Variants in SEMA4B observed in about 807,000 individuals in gnomAD.
SEMA4B encodes the protein semaphorin 4B, also known as semaphorin-4B.
Under a neutral mutation model 88.1 loss-of-function variants are expected in SEMA4B, and 55 were observed. The ratio of observed to expected loss-of-function variants is 0.62; its 90% CI spans 0.50 to 0.78. SEMA4B has a LOEUF of 0.78. Among genes scored for constraint, SEMA4B ranks in the 30% least tolerant of loss-of-function variants. SEMA4B has a pLI of 0.00. For missense variants in SEMA4B, 1,062 were observed against 1,111.9 expected (o/e 0.96, Z 0.64); for synonymous variants, 525 against 473.6 (o/e 1.11, Z -1.41).
upstream of SEMA4B, among the ~76,000 whole-genome samples, chr15:90,196,688 C>T (rs554302671): frequency 1.3e-5 from 2 of 152,124 alleles, no homozygotes; most frequent in South Asian, 2.1e-4. Context: ...GGGGTTTCAC[C>T]ATGTTAGCCA....
In SEMA4B at chr15:90,201,385, A is replaced by C; in HGVS notation, c.-194A>C. ...CTGCGGGGCCGGCGCCGGCGGGAGGACTGCGGTGCCCCGCGGAGGGGCTGA... is the reference window on the plus strand; with the variant it reads ...CTGCGGGGCCGGCGCCGGCGGGAGGCCTGCGGTGCCCCGCGGAGGGGCTGA... On this transcript the variant is annotated 5_prime_UTR_variant, in exon 1 of 14. Transcript: ENST00000411539. The C allele has an allele frequency of 8.0e-7, 1 of 1,255,622 alleles. No homozygotes were observed. The highest frequency in any genetic ancestry group is 1.0e-6 in the Non-Finnish European group (1 of 1,000,894). The allele number at this position is 1,255,622 out of a possible 1,614,324, so 77.8% of individuals were successfully genotyped here.
chr15:90,205,359 T>A (rs1960940237), intron 1 of SEMA4B, among the ~76,000 whole-genome samples: 1 of 152,234 alleles, frequency 6.6e-6, no homozygotes, highest in African/African-American at 2.4e-5. Context: ...TGGTCTCAAC[T>A]GGACATGAGC....
At chr15:90,185,206 C>T (rs551878625) in intron 1 of SEMA4B, 15 of 446,756 alleles carry the variant, frequency 3.4e-5, no homozygotes, top group Admixed American at 6.4e-5. Flanking sequence ...CCCCTCTCCC[C>T]AGAAGGCGCC....
Position 90,222,621 on chromosome 15 carries a change from T to TA in SEMA4B, c.861+859dup, listed in dbSNP as rs760952195. ...GTACACACAAAAATCACTTACAAGT[T>TA]AAAGAGGCACTGTAGCATCAGCTGG... On this transcript the variant is annotated intron_variant, in intron 7 of 13. Coordinates refer to ENST00000411539, the MANE Select transcript of SEMA4B (RefSeq NM_198925.4). 2.0e-5 allele frequency among the ~76,000 whole-genome samples: 3 copies of TA among 152,022 alleles called. No homozygotes were observed. The South Asian group carries it at 6.2e-4, about 32-fold the overall frequency.
intron 1 of SEMA4B, among the ~76,000 whole-genome samples, chr15:90,189,373 TC>T (rs1960279289): frequency 6.6e-6 from 1 of 152,220 alleles, no homozygotes; most frequent in Admixed American, 6.5e-5. Flanking sequence ...GTGGTCCTAG[TC>T]CTGACTTGTC....
At chr15:90,185,184 C>T (rs1045979266) in intron 1 of SEMA4B, 6 of 613,018 alleles carry the variant, frequency 9.8e-6, no homozygotes, top group South Asian at 1.4e-4. Context: ...TGCACCCGCA[C>T]CTCCCGCCCG....
Position 90,225,354 on chromosome 15 carries a change from C to T in SEMA4B, c.1478C>T (p.Ser493Leu), listed in dbSNP as rs367772033. The T allele has an allele frequency of 3.0e-5, 46 of 1,556,218 alleles. No homozygotes were observed. The highest frequency in any genetic ancestry group is 2.8e-4 in the South Asian group (24 of 84,426). The stretch of plus-strand genomic sequence containing the variant: ...ATCATTGAGGAGCTGCAGATCTTCT[C>T]ATCGGGACAGCCCGTGCAGAATCTG... ...VHIIEELQIF[S>L]SGQPVQNLLL... is the part of the protein sequence containing the mutation. The change falls in exon 11 of 14, where the codon TCA becomes TTA. Residue 493 changes from serine (S) to leucine (L), a missense_variant. By Grantham distance (145) the Ser-to-Leu change is moderately radical (BLOSUM62 -2). Coordinates refer to ENST00000411539, the MANE Select transcript of SEMA4B (RefSeq NM_198925.4).
At chr15:90,214,170 C>G (rs902477605) in intron 1 of SEMA4B, among the ~76,000 whole-genome samples, 6 of 151,790 alleles carry the variant, frequency 4.0e-5, no homozygotes, top group African/African-American at 7.3e-5. Flanking sequence ...ATGATGAAAC[C>G]CTGACTTTAC....
intron 1 of SEMA4B, among the ~76,000 whole-genome samples, chr15:90,189,798 C>T (rs940007245): frequency 2.6e-5 from 4 of 152,200 alleles, no homozygotes; most frequent in Admixed American, 6.5e-5. Flanking sequence ...TCCCTCTCTC[C>T]TGAAATGGCA....
At position 90,228,378 on chromosome 15, in the gene SEMA4B, A is replaced by C; in HGVS notation, c.2249A>C (p.Gln750Pro). The C allele has an allele frequency of 1.3e-6, 2 of 1,599,766 alleles. No individual in the cohort carries two copies. The highest frequency in any genetic ancestry group is 1.7e-6 in the Non-Finnish European group (2 of 1,172,700). Residue 750 changes from glutamine (Q) to proline (P), a missense_variant, in exon 14 of 14, where the codon CAG becomes CCG. Coordinates refer to ENST00000411539, the MANE Select transcript of SEMA4B (RefSeq NM_198925.4). ...AACAGCATGAAAGTCTTCCTGAAGC[A>C]GGGGGAATGTGCCAGCGTGCACCCC... ...HRNSMKVFLK[Q>P]GECASVHPKT...
At chr15:90,199,564 C>T (rs536721376), upstream of SEMA4B, among the ~76,000 whole-genome samples, 3 of 152,090 alleles carry the variant, frequency 2.0e-5, no homozygotes, top group East Asian at 1.9e-4. Flanking sequence ...TGGTGGCTCA[C>T]GCCTGAAATC....
intron 1 of SEMA4B, among the ~76,000 whole-genome samples, chr15:90,187,039 G>C (rs1383586340): frequency 6.6e-6 from 1 of 152,192 alleles, no homozygotes; most frequent in Non-Finnish European, 1.5e-5. Flanking sequence ...TTGTGCCTTG[G>C]GGAGAGCTGA....
At chr15:90,200,775 AAGCG>A (rs1960674213), upstream of SEMA4B, among the ~76,000 whole-genome samples, 1 of 152,216 alleles carries the variant, frequency 6.6e-6, no homozygotes, top group African/African-American at 2.4e-5. Context: ...ACAGAATATT[AAGCG>A]GACAAGCCCG....
chr15:90,227,940 A>C lies in SEMA4B; in HGVS notation c.1811A>C (p.Asn604Thr). ...TGTGAGCAAGTCCAGTTCCAGCCCA[A>C]CACAGTGAACACTTTGGCCTGCCCG... ...KPCEQVQFQP[N>T]TVNTLACPLL... The change falls in exon 14 of 14, where the codon AAC becomes ACC. Residue 604 changes from asparagine to threonine, a missense_variant. Transcript: ENST00000411539. 1 of 1,613,412 alleles carries C rather than the reference A, an allele frequency of 6.2e-7. No individual in the cohort carries two copies. Among genetic ancestry groups the C allele is most frequent in the Non-Finnish European group, 8.5e-7 (1 of 1,179,836 alleles).
At chr15:90,213,995 A>G (rs1007652832) in intron 1 of SEMA4B, among the ~76,000 whole-genome samples, 4 of 152,088 alleles carry the variant, frequency 2.6e-5, no homozygotes, top group African/African-American at 7.2e-5. Flanking sequence ...TCATCCTGTT[A>G]ACTAGTGTCA....
At chr15:90,211,456 C>T in intron 1 of SEMA4B, among the ~76,000 whole-genome samples, 1 of 152,308 alleles carries the variant, frequency 6.6e-6, no homozygotes, top group East Asian at 1.9e-4. Flanking sequence ...TGCCCAGAGT[C>T]CCTGGTCAGG....
intron 1 of SEMA4B, among the ~76,000 whole-genome samples, chr15:90,186,864 C>T (rs905801047): frequency 2.0e-5 from 3 of 152,090 alleles, no homozygotes; most frequent in Middle Eastern, 6.8e-3. Flanking sequence ...ACCCGCGAGG[C>T]GGAGCTTGCA....
chr15:90,228,187 T>C lies in SEMA4B; in HGVS notation c.2058T>C (p.Gly686=). The C allele has an allele frequency of 1.2e-6, 2 of 1,610,082 alleles. No homozygotes were observed. The highest frequency in any genetic ancestry group is 1.7e-6 in the Non-Finnish European group (2 of 1,178,218). The change falls in exon 14 of 14, where the codon GGT becomes GGC. Residue 686 remains glycine, a synonymous_variant. Coordinates refer to ENST00000411539, the MANE Select transcript of SEMA4B (RefSeq NM_198925.4). ...EDGVADQTDE[G]GSVPVIISTS... is the part of the protein sequence containing the mutation. ...GGGTGGCAGACCAAACAGATGAGGG[T>C]GGCAGTGTACCCGTCATTATCAGCA...
In SEMA4B at chr15:90,201,363, C is replaced by G. The variant is rs575157683; in HGVS notation, c.-216C>G. The G allele has an allele frequency of 2.4e-6, 3 of 1,245,572 alleles. No homozygotes were observed. The highest frequency in any genetic ancestry group is 3.0e-6 in the Non-Finnish European group (3 of 994,730). The allele number at this position is 1,245,572 out of a possible 1,614,324, so 77.2% of individuals were successfully genotyped here. The stretch of plus-strand genomic sequence containing the variant: ...GTGAGCTCTGCCCAAGCCGAGGCTG[C>G]GGGGCCGGCGCCGGCGGGAGGACTG... On this transcript the variant is annotated 5_prime_UTR_variant, in exon 1 of 14. Transcript: ENST00000411539.
Sources: allele counts gnomAD v4.1 joint callset (sites outside exome capture counted in the v4.1 genomes callset), GRCh38; gene constraint gnomAD v4.1.1; transcripts MANE v1.5; gene names NCBI Gene and HGNC (gene_info 2026-07-23, HGNC 2026-07-21).